The following SETBP1 variants were observed in gnomAD, a reference collection of about 807,000 sequenced individuals.
SETBP1 encodes SET-binding protein.
In SETBP1, 9 loss-of-function variants were observed where a neutral mutation model predicts 101.0. The observed-to-expected ratio is 0.09, with a 90% CI of 0.05 to 0.16. The LOEUF (loss-of-function observed/expected upper bound fraction) is 0.16. Among genes scored for constraint, SETBP1 ranks in the 10% least tolerant of loss-of-function variants. The pLI, the probability that SETBP1 is intolerant of heterozygous loss-of-function variation, is 1.00. For missense variants in SETBP1, 1,858 were observed against 2,033.8 expected (o/e 0.91, Z 1.66); for synonymous variants, 818 against 788.5 (o/e 1.04, Z -0.63).
At chr18:44,719,437 C>G (rs1031456629) in intron 2 of SETBP1, among the ~76,000 whole-genome samples, 2 of 152,292 alleles carry the variant, frequency 1.3e-5, no homozygotes, top group African/African-American at 4.8e-5. Flanking sequence ...TTGAAAGTCT[C>G]CATTAGTTCA....
intron 2 of SETBP1, among the ~76,000 whole-genome samples, chr18:44,746,399 T>G (rs1052464341): frequency 1.3e-5 from 2 of 152,188 alleles, no homozygotes; most frequent in African/African-American, 2.4e-5. Flanking sequence ...TATTACTGTG[T>G]TTTTTAGGTG....
chr18:44,754,114 A>C (rs1357797544), intron 2 of SETBP1, among the ~76,000 whole-genome samples: 2 of 152,232 alleles, frequency 1.3e-5, no homozygotes, highest in East Asian at 3.8e-4. Flanking sequence ...CAGCTTCCCC[A>C]GTATTTGAAA....
intron 2 of SETBP1, among the ~76,000 whole-genome samples, chr18:44,842,509 G>T (rs1229949535): frequency 6.6e-6 from 1 of 152,196 alleles, no homozygotes; most frequent in Non-Finnish European, 1.5e-5. Context: ...CCTGGTCATA[G>T]AATCTGAAGG....
rs78317667 is a variant in SETBP1, at chr18:45,035,288, T to A, written c.4001-3197T>A. Among the ~76,000 whole-genome samples the A allele has an allele frequency of 2.0e-3, 305 of 152,344 alleles. 1 individual carries two copies. Among genetic ancestry groups the A allele is most frequent in the East Asian group, 0.014 (74 of 5,186 alleles). ...GGCTGAGAAAAATGTCTGGCTTTTC[T>A]TTTTCTTTTTTAATTTGTTTTTGAA... On this transcript the variant is annotated intron_variant, in intron 4 of 5. Transcript: ENST00000649279.
At chr18:44,686,014 C>T (rs778227242) in intron 1 of SETBP1, among the ~76,000 whole-genome samples, 9 of 152,100 alleles carry the variant, frequency 5.9e-5, no homozygotes, top group South Asian at 2.1e-4. Flanking sequence ...GGAGGGGAGG[C>T]GAAGTGGAGA....
At chr18:44,935,294 A>C (rs2070933841) in intron 3 of SETBP1, among the ~76,000 whole-genome samples, 1 of 152,244 alleles carries the variant, frequency 6.6e-6, no homozygotes, top group African/African-American at 2.4e-5. Flanking sequence ...TTTTAGCCCT[A>C]ATGGCAAAAA....
intron 4 of SETBP1, among the ~76,000 whole-genome samples, chr18:45,028,931 G>A (rs548332224): frequency 1.3e-5 from 2 of 152,202 alleles, no homozygotes; most frequent in Non-Finnish European, 2.9e-5. Flanking sequence ...AGATGAGTAA[G>A]TTGCGAAAAT....
chr18:44,952,058 G>T lies in SETBP1; in HGVS notation c.2718G>T (p.Pro906=), dbSNP rs766932372. The T allele has an allele frequency of 1.2e-6, 2 of 1,613,908 alleles. No individual in the cohort carries two copies. The highest frequency in any genetic ancestry group is 1.7e-6 in the Non-Finnish European group (2 of 1,180,038). Residue 906 remains proline (P), a synonymous_variant, in exon 4 of 6, where the codon CCG becomes CCT. Coordinates refer to ENST00000649279, the MANE Select transcript of SETBP1 (RefSeq NM_015559.3). ...CCCTGGACAACCCGGAGGCCATTCC[G>T]TCCGACACCAGCACAAAGAACCGGC... ...FCSLDNPEAI[P]SDTSTKNRHG... is the part of the protein sequence containing the mutation.
intron 4 of SETBP1, among the ~76,000 whole-genome samples, chr18:44,971,629 A>G (rs1477468052): frequency 6.6e-6 from 1 of 152,220 alleles, no homozygotes; most frequent in Non-Finnish European, 1.5e-5. Context: ...ATGACCAGTG[A>G]TGACGAGCAT....
intron 4 of SETBP1, among the ~76,000 whole-genome samples, chr18:44,994,371 C>A (rs1210264104): frequency 2.6e-5 from 4 of 152,132 alleles, no homozygotes. Flanking sequence ...AAATGGAAAT[C>A]TGTGAATACT....
chr18:45,036,528 T>C (rs1199371284), intron 4 of SETBP1, among the ~76,000 whole-genome samples: 2 of 152,246 alleles, frequency 1.3e-5, no homozygotes, highest in Non-Finnish European at 2.9e-5. Flanking sequence ...AGGCATATTA[T>C]ACATACTTGC....
chr18:44,806,451 T>C (rs1479029998), intron 2 of SETBP1, among the ~76,000 whole-genome samples: 2 of 152,034 alleles, frequency 1.3e-5, no homozygotes, highest in African/African-American at 2.4e-5. Flanking sequence ...GCTGTATGTG[T>C]GTGTCTTTCT....
intron 3 of SETBP1, among the ~76,000 whole-genome samples, chr18:44,931,546 G>C (rs149384713): frequency 1.3e-5 from 2 of 152,246 alleles, no homozygotes; most frequent in South Asian, 4.1e-4. Context: ...GGGTGTTAAA[G>C]TCTCCTATTT....
intron 3 of SETBP1, among the ~76,000 whole-genome samples, chr18:44,931,970 G>A (rs2070845909): frequency 6.6e-6 from 1 of 152,162 alleles, no homozygotes; most frequent in Non-Finnish European, 1.5e-5. Flanking sequence ...GTGTGAATTT[G>A]ATCCCGTCAT....
chr18:44,868,712 G>GGA lies in SETBP1; in HGVS notation c.487-518_487-517insGA, dbSNP rs2069193563. On this transcript the variant is annotated intron_variant, in intron 2 of 5. Transcript: ENST00000649279. The stretch of plus-strand genomic sequence containing the variant: ...AGAGAGAGAGAGGACGGAAGGAAGG[G>GGA]AGGAAGGAAGGAAGGAAGGAAGGAA... Among the ~76,000 whole-genome samples, 119 of 27,868 alleles carry GGA rather than the reference G, an allele frequency of 4.3e-3. 12 individuals carry two copies. Among genetic ancestry groups the GGA allele is most frequent in the African/African-American group, 0.017 (110 of 6,412 alleles). The allele number at this position is 27,868 out of a possible 152,430, so 18.3% of individuals were successfully genotyped here.
At position 45,063,956 on chromosome 18, in the gene SETBP1, T is replaced by A; in HGVS notation, c.*258T>A. Reference sequence around the variant, plus strand: ...CACGCGGCGCTTCAGTACGGCTGGATCCTCCGCAGGCGAGCGGAAGGCCCC... The same window carrying A: ...CACGCGGCGCTTCAGTACGGCTGGAACCTCCGCAGGCGAGCGGAAGGCCCC... On this transcript the variant is annotated 3_prime_UTR_variant, in exon 6 of 6. Coordinates refer to ENST00000649279, the MANE Select transcript of SETBP1 (RefSeq NM_015559.3). The A allele has an allele frequency of 4.9e-6, 2 of 405,452 alleles. No individual in the cohort carries two copies. The highest frequency in any genetic ancestry group is 4.5e-6 in the Non-Finnish European group (1 of 220,258). The allele number at this position is 405,452 out of a possible 1,614,324, so 25.1% of individuals were successfully genotyped here. A position where few individuals can be genotyped will look rare whatever the true frequency, so the allele number is the denominator to read the frequency against.
chr18:44,784,437 A>G (rs1026048393), intron 2 of SETBP1, among the ~76,000 whole-genome samples: 1 of 152,144 alleles, frequency 6.6e-6, no homozygotes, highest in African/African-American at 2.4e-5. Context: ...CTGCCTTCAC[A>G]TGACCTACCC....
At chr18:44,933,102 T>C (rs1399423781) in intron 3 of SETBP1, among the ~76,000 whole-genome samples, 1 of 152,226 alleles carries the variant, frequency 6.6e-6, no homozygotes, top group African/African-American at 2.4e-5. Context: ...CTTTGGTCTT[T>C]GATGATGGTG....
chr18:45,016,729 G>GCA (rs1767866578), intron 4 of SETBP1, among the ~76,000 whole-genome samples: 1 of 121,296 alleles, frequency 8.2e-6, no homozygotes, highest in Non-Finnish European at 1.7e-5. Flanking sequence ...ACATTGGTGC[G>GCA]CGCACACACA....
Sources: allele counts gnomAD v4.1 joint callset (sites outside exome capture counted in the v4.1 genomes callset), GRCh38; gene constraint gnomAD v4.1.1; transcripts MANE v1.5; gene names NCBI Gene and HGNC (gene_info 2026-07-23, HGNC 2026-07-21).